CCDC102B: variants seen among roughly 807,000 people sequenced by gnomAD.
CCDC102B encodes the protein coiled-coil domain-containing protein 102B.
In CCDC102B, 75 loss-of-function variants were observed where a neutral mutation model predicts 57.4. The observed-to-expected ratio is 1.31, with a 90% CI of 1.08 to 1.58. The LOEUF is 1.58. Among genes scored for constraint, CCDC102B ranks in the 40% most tolerant of loss-of-function variants. CCDC102B has a pLI of 0.00. For synonymous variants in CCDC102B, 206 were observed against 201.9 expected (o/e 1.02, Z -0.17); for missense variants, 636 against 582.6 (o/e 1.09, Z -0.94).
chr18:68,774,104 T>G (rs904048544), intron 2 of CCDC102B, among the ~76,000 whole-genome samples: 1 of 152,008 alleles, frequency 6.6e-6, no homozygotes, highest in African/African-American at 2.4e-5. Context: ...TAGGCACCTT[T>G]GAAGTTATAA....
chr18:68,905,679 T>A (rs2040604769), intron 6 of CCDC102B, among the ~76,000 whole-genome samples: 1 of 150,904 alleles, frequency 6.6e-6, no homozygotes, highest in African/African-American at 2.4e-5. Flanking sequence ...CATTCCTCCC[T>A]CCCCTAAGCT....
chr18:68,732,846 T>G (rs2032945374), intron 2 of CCDC102B, among the ~76,000 whole-genome samples: 1 of 152,156 alleles, frequency 6.6e-6, no homozygotes, highest in South Asian at 2.1e-4. Flanking sequence ...AGTTACAAGT[T>G]TTACAGACCA....
intron 1 of CCDC102B, among the ~76,000 whole-genome samples, chr18:68,821,955 G>T (rs2036707983): frequency 6.6e-6 from 1 of 152,124 alleles, no homozygotes; most frequent in East Asian, 1.9e-4. Flanking sequence ...TTCTATTTGG[G>T]ATATGATGAG....
chr18:68,913,666 A>AAC (rs1430572476), intron 6 of CCDC102B, among the ~76,000 whole-genome samples: 2 of 151,256 alleles, frequency 1.3e-5, no homozygotes. Context: ...AAAGAAAAAA[A>AAC]AAAAAGCAAA....
At chr18:68,791,136 A>C (rs1403151415) in intron 2 of CCDC102B, among the ~76,000 whole-genome samples, 1 of 152,208 alleles carries the variant, frequency 6.6e-6, no homozygotes, top group Non-Finnish European at 1.5e-5. Flanking sequence ...ACAATTATGC[A>C]TTGAGGAGGA....
chr18:68,993,728 G>A (rs2050940455), intron 6 of CCDC102B, among the ~76,000 whole-genome samples: 1 of 152,188 alleles, frequency 6.6e-6, no homozygotes, highest in Admixed American at 6.5e-5. Context: ...TCCCTTGATG[G>A]ATGTACATAT....
In CCDC102B at chr18:68,776,449, T is replaced by C. The variant is rs571696518; in HGVS notation, c.-66-46917T>C. ...TGAATAGAAAACAGAATAGAGAAAA[T>C]GTGGTACATATACACCACGGAATAC... On this transcript the variant is annotated intron_variant, in intron 2 of 3. Transcript: ENST00000578970. 7.2e-5 allele frequency among the ~76,000 whole-genome samples: 11 copies of C among 152,196 alleles called. No individual in the cohort carries two copies. In the East Asian group the frequency reaches 1.9e-3, roughly 27 times the overall value.
chr18:68,933,005 T>C (rs1208666228), intron 6 of CCDC102B, among the ~76,000 whole-genome samples: 2 of 151,866 alleles, frequency 1.3e-5, no homozygotes, highest in Non-Finnish European at 2.9e-5. Context: ...TGCACATTCA[T>C]GTTTTTAAAT....
chr18:68,900,474 AG>A (rs1378995892), intron 6 of CCDC102B, among the ~76,000 whole-genome samples: 1 of 152,152 alleles, frequency 6.6e-6, no homozygotes, highest in African/African-American at 2.4e-5. Flanking sequence ...TTTAAAAAAA[AG>A]TCTTCCATAC....
At chr18:68,794,870 A>T (rs1359462177), upstream of CCDC102B, among the ~76,000 whole-genome samples, 1 of 152,060 alleles carries the variant, frequency 6.6e-6, no homozygotes. Flanking sequence ...AGACTTGGCA[A>T]TAAGGATGAA....
At chr18:68,744,069 C>A (rs1361491958) in intron 2 of CCDC102B, among the ~76,000 whole-genome samples, 1 of 152,114 alleles carries the variant, frequency 6.6e-6, no homozygotes, top group Non-Finnish European at 1.5e-5. Context: ...CTATATCCAA[C>A]ATATGGGACA....
At chr18:68,895,174 C>A (rs1479844256) in intron 5 of CCDC102B, among the ~76,000 whole-genome samples, 1 of 151,742 alleles carries the variant, frequency 6.6e-6, no homozygotes, top group East Asian at 1.9e-4. Context: ...ATATTTTCAC[C>A]TCATATTCCC....
chr18:68,759,528 C>G lies in CCDC102B; in HGVS notation c.-67+42934C>G, dbSNP rs142957733. ...TTAAGAATCACATCAGACTTCTCAA[C>G]AGACATATGGGGGGCCAGAAGACAA... On this transcript the variant is annotated intron_variant, in intron 2 of 3. Coordinates refer to the CCDC102B transcript ENST00000578970. Among the ~76,000 whole-genome samples, 68 of 152,150 alleles carry G rather than the reference C, an allele frequency of 4.5e-4. No individual in the cohort carries two copies. In the East Asian group the frequency reaches 0.011, roughly 25 times the overall value.
upstream of CCDC102B, among the ~76,000 whole-genome samples, chr18:68,795,195 G>T (rs1041443762): frequency 6.6e-6 from 1 of 152,098 alleles, no homozygotes; most frequent in African/African-American, 2.4e-5. Context: ...TAGATTGAGA[G>T]ACTGGATGGG....
At position 69,054,022 on chromosome 18, in the gene CCDC102B, G is replaced by A. The variant is rs774151464; in HGVS notation, c.1435-8G>A. On this transcript the variant is annotated splice_region_variant and splice_polypyrimidine_tract_variant and intron_variant, in intron 7 of 7. Transcript: ENST00000360242. Reference sequence around the variant, plus strand: ...ACCTAACTAAAGCATTTTCTACTTCGCTTTCAGCTTGATGATTCCCTGAAT... The same window carrying A: ...ACCTAACTAAAGCATTTTCTACTTCACTTTCAGCTTGATGATTCCCTGAAT... 1.3e-5 allele frequency: 20 copies of A among 1,595,802 alleles called. No individual in the cohort carries two copies. The highest frequency in any genetic ancestry group is 1.7e-4 in the Middle Eastern group (1 of 6,024).
intron 2 of CCDC102B, among the ~76,000 whole-genome samples, chr18:68,766,474 TGAG>T (rs1374770542): frequency 6.6e-6 from 1 of 152,182 alleles, no homozygotes; most frequent in African/African-American, 2.4e-5. Flanking sequence ...AAGTGTGGGA[TGAG>T]GACAATGGGT....
At chr18:68,954,742 A>G (rs1029001584) in intron 6 of CCDC102B, among the ~76,000 whole-genome samples, 1 of 152,174 alleles carries the variant, frequency 6.6e-6, no homozygotes. Context: ...CATTATTTCA[A>G]TCTATTTACA....
intron 6 of CCDC102B, among the ~76,000 whole-genome samples, chr18:69,009,126 T>C (rs193156750): frequency 6.6e-6 from 1 of 152,338 alleles, no homozygotes; most frequent in East Asian, 1.9e-4. Flanking sequence ...TAAAAAAATA[T>C]TGCCAGTGTT....
downstream of CCDC102B, among the ~76,000 whole-genome samples, chr18:69,055,884 A>G (rs1197090392): frequency 2.6e-5 from 4 of 152,070 alleles, no homozygotes; most frequent in African/African-American, 9.7e-5. Flanking sequence ...ATGGGTTTTT[A>G]TACTCTCACA....
Sources: gnomAD v4.1 joint callset for allele counts (sites outside exome capture counted in the v4.1 genomes callset) on GRCh38, gnomAD v4.1.1 for gene constraint, MANE v1.5 for transcripts, NCBI Gene and HGNC (gene_info 2026-07-23, HGNC 2026-07-21) for gene names.